Variants in F11 observed in about 807,000 individuals in gnomAD.
F11 encodes the protein coagualtion factor XI.
Under a neutral mutation model 76.5 loss-of-function variants are expected in F11, and 78 were observed. The observed-to-expected ratio is 1.02, with a 90% CI of 0.85 to 1.23. The LOEUF is 1.23. Among genes scored for constraint, F11 ranks in the 50% most tolerant of loss-of-function variants. The probability of loss-of-function intolerance (pLI) is 0.00; values close to 1 mark genes in which losing one functional copy is unlikely to be tolerated. For synonymous variants in F11, 278 were observed against 276.3 expected, an observed-to-expected ratio of 1.01 and a Z score of -0.06; for missense variants, 742 against 771.4, an observed-to-expected ratio of 0.96 and a Z score of 0.45.
Position 186,288,575 on chromosome 4 carries a change from G to A in F11, c.1839G>A (p.Glu613=), listed in dbSNP as rs5976. The change falls in exon 15 of 15, where the codon GAG becomes GAA. Residue 613 remains glutamate (E), a synonymous_variant. Coordinates refer to ENST00000403665, the MANE Select transcript of F11 (RefSeq NM_000128.4). The part of the protein sequence containing the change: ...ERPGVYTNVV[E]YVDWILEKTQ... ...CAGGTGTTTACACCAACGTGGTCGA[G>A]TACGTGGACTGGATTCTGGAGAAAA... is the stretch of plus-strand genomic sequence containing the variant. 0.049 allele frequency: 78,816 copies of A among 1,614,124 alleles called. 2,251 individuals carry two copies. The highest frequency in any genetic ancestry group is 0.11 in the Middle Eastern group (687 of 6,060).
chr4:186,282,386 G>T (rs889854085), intron 10 of F11: 4 of 985,212 alleles, frequency 4.1e-6, no homozygotes, highest in Non-Finnish European at 4.8e-6. Flanking sequence ...TTTTTACTGC[G>T]CTGTATTTGA....
At chr4:186,280,671 A>C (rs1395980385) in intron 10 of F11, 91 bp downstream of exon 10, 2 of 1,121,896 alleles carry the variant, frequency 1.8e-6, no homozygotes, top group Non-Finnish European at 2.7e-6. Flanking sequence ...TAGCCACAGA[A>C]GGGAGAACAT....
Position 186,289,013 on chromosome 4 carries a change from G to A in F11, c.*399G>A. On this transcript the variant is annotated 3_prime_UTR_variant, in exon 15 of 15. Coordinates refer to ENST00000403665, the MANE Select transcript of F11 (RefSeq NM_000128.4). The stretch of plus-strand genomic sequence containing the variant: ...GATGAAAGATGAAAACTGGAAGAAA[G>A]GAGAACAAAGACAGTCTTCACCATT... 3.7e-6 allele frequency: 1 copy of A among 267,244 alleles called. No individual in the cohort carries two copies. Among genetic ancestry groups the A allele is most frequent in the Non-Finnish European group, 7.3e-6 (1 of 136,314 alleles). 16.6% of individuals were successfully genotyped at this position (267,244 alleles called of 1,614,324 possible). A position where few individuals can be genotyped will look rare whatever the true frequency, so the allele number is the denominator to read the frequency against.
chr4:186,279,944 T>C, intron 7 of F11, 68 bp from the exon 8 acceptor site: 1 of 1,184,822 alleles, frequency 8.4e-7, no homozygotes. Flanking sequence ...TTACTTTCTC[T>C]AGGTGCTGTA....
At chr4:186,270,371 GT>G (rs1429423867) in intron 2 of F11, among the ~76,000 whole-genome samples, 3 of 152,118 alleles carry the variant, frequency 2.0e-5, no homozygotes, top group Non-Finnish European at 2.9e-5. Context: ...CGTGTGCAGA[GT>G]TTTTTTCCAA....
chr4:186,275,245 C>G, intron 5 of F11: 2 of 452,352 alleles, frequency 4.4e-6, no homozygotes, highest in Admixed American at 4.7e-5. Context: ...AATCCCAGCA[C>G]TTTGGGAGGC....
rs947010808 is a variant in F11 at position 186,289,180 on chromosome 4, G to C, written c.*566G>C. On this transcript the variant is annotated 3_prime_UTR_variant, in exon 15 of 15. Transcript: ENST00000403665. ...AATATATATTAAAAAAAATCAGTTCGAGTAGACACGAGCTAAGAGTGAATG... is the reference window on the plus strand; with the variant it reads ...AATATATATTAAAAAAAATCAGTTCCAGTAGACACGAGCTAAGAGTGAATG... Among the ~76,000 whole-genome samples, 1 of 152,070 alleles carries C rather than the reference G, an allele frequency of 6.6e-6. No homozygotes were observed. Among genetic ancestry groups the C allele is most frequent in the African/African-American group, 2.4e-5 (1 of 41,406 alleles).
At chr4:186,282,353 A>T in intron 10 of F11, 1 of 985,412 alleles carries the variant, frequency 1.0e-6, no homozygotes, top group Non-Finnish European at 1.2e-6. Context: ...GCAACTTTGG[A>T]GGGAGTGAAT....
rs34807019 is a variant in F11 at position 186,274,243 on chromosome 4, C to T, written c.453C>T (p.Tyr151=). The change falls in exon 5 of 15, where the codon TAC becomes TAT. Residue 151 remains tyrosine, a synonymous_variant. Transcript: ENST00000403665. ...TDDVHCHFFT[Y]ATRQFPSLEH... is the part of the protein sequence containing the mutation. ...ACGTCCACTGCCACTTTTTCACGTA[C>T]GCCACAAGGCAGTTTCCCAGCCTGG... is the stretch of plus-strand genomic sequence containing the variant. 733 of 1,614,186 alleles carry T rather than the reference C, an allele frequency of 4.5e-4. 2 individuals carry two copies. The African/African-American group carries it at 8.5e-3, about 19-fold the overall frequency.
Position 186,286,469 on chromosome 4 carries a change from C to G in F11, c.1535C>G (p.Thr512Ser). Residue 512 changes from threonine to serine, a missense_variant, in exon 13 of 15, where the codon ACT becomes AGT. Transcript: ENST00000403665. ...PSKGDRNVIY[T>S]DCWVTGWGYR... is the part of the protein sequence containing the mutation. ...AAAGGAGATAGAAATGTAATATACA[C>G]TGATTGCTGGGTGACTGGATGGGGG... 1 of 1,613,960 alleles carries G rather than the reference C, an allele frequency of 6.2e-7. No homozygotes were observed. The highest frequency in any genetic ancestry group is 1.1e-5 in the South Asian group (1 of 91,078).
chr4:186,283,773 G>C (rs147550368), intron 10 of F11, among the ~76,000 whole-genome samples: 102 of 152,324 alleles, frequency 6.7e-4, no homozygotes, highest in African/African-American at 2.3e-3. Flanking sequence ...AGGTGACGCT[G>C]TTGGTCTGGA....
At position 186,284,197 on chromosome 4, in the gene F11, A is replaced by T. The variant is rs1480033291; in HGVS notation, c.1241A>T (p.His414Leu). 2 of 1,614,092 alleles carry T rather than the reference A, an allele frequency of 1.2e-6. No homozygotes were observed. Among genetic ancestry groups the T allele is most frequent in the Non-Finnish European group, 1.7e-6 (2 of 1,180,048 alleles). Residue 414 changes from histidine (H) to leucine (L), a missense_variant, in exon 11 of 15, where the codon CAC becomes CTC. Physicochemically the swap from His to Leu is moderately conservative, Grantham distance 99 (BLOSUM62 -3). Transcript: ENST00000403665. ...TLHTTSPTQRHLCGGSIIGNQ... is the reference protein window; with the variant it reads ...TLHTTSPTQRLLCGGSIIGNQ... ...CACACAACCTCACCCACTCAGAGACACCTGTGTGGAGGCTCCATCATTGGA... is the reference window on the plus strand; with the variant it reads ...CACACAACCTCACCCACTCAGAGACTCCTGTGTGGAGGCTCCATCATTGGA...
intron 10 of F11, chr4:186,281,937 C>T: frequency 7.8e-7 from 1 of 1,283,338 alleles, no homozygotes; most frequent in Non-Finnish European, 1.0e-6. Context: ...CTTCCTAGAG[C>T]TTAGAGGCGC....
chr4:186,281,704 G>A (rs904144732), intron 10 of F11, among the ~76,000 whole-genome samples: 4 of 152,138 alleles, frequency 2.6e-5, no homozygotes, highest in African/African-American at 4.8e-5. Context: ...ATTGCCAAAT[G>A]TCCAATATTA....
intron 13 of F11, among the ~76,000 whole-genome samples, chr4:186,287,299 G>T (rs1741274696): frequency 6.6e-6 from 1 of 151,610 alleles, no homozygotes; most frequent in South Asian, 2.1e-4. Flanking sequence ...AATATATGTG[G>T]CCCAGCACCA....
rs543131176 is a variant in F11, at chr4:186,273,156, C to G, written c.304C>G (p.Gln102Glu). Residue 102 changes from glutamine (Q) to glutamate (E), a missense_variant, in exon 4 of 15, where the codon CAA (glutamine) becomes GAA (glutamate). Transcript: ENST00000403665. ...TAAISGYSFKQCSHQISACNK... is the reference protein window; with the variant it reads ...TAAISGYSFKECSHQISACNK... ...AGCGATTTCTGGGTATTCTTTCAAG[C>G]AATGCTCACACCAAATAAGCGGTAA... The G allele has an allele frequency of 6.2e-7, 1 of 1,613,392 alleles. No individual in the cohort carries two copies. Among genetic ancestry groups the G allele is most frequent in the Non-Finnish European group, 8.5e-7 (1 of 1,179,340 alleles).
At chr4:186,284,029 G>T in intron 10 of F11, 63 bp from the exon 11 acceptor site, 1 of 1,612,648 alleles carries the variant, frequency 6.2e-7, no homozygotes, top group South Asian at 1.1e-5. Flanking sequence ...GTTCCTGAAG[G>T]AGCATAATTA....
chr4:186,276,301 T>C lies in F11; in HGVS notation c.666T>C (p.Asp222=). 1 of 1,614,168 alleles carries C rather than the reference T, an allele frequency of 6.2e-7. No homozygotes were observed. Among genetic ancestry groups the C allele is most frequent in the South Asian group, 1.1e-5 (1 of 91,086 alleles). The part of the protein sequence containing the change: ...DSNIDSVMAP[D]AFVCGRICTH... ...ACATCGACAGTGTCATGGCTCCCGA[T>C]GCTTTTGTCTGTGGCCGAATCTGCA... The change falls in exon 7 of 15, where the codon GAT becomes GAC. Residue 222 remains aspartate (D), a synonymous_variant. Transcript: ENST00000403665.
intron 7 of F11, among the ~76,000 whole-genome samples, chr4:186,279,009 A>G (rs1192038411): frequency 6.6e-6 from 1 of 152,230 alleles, no homozygotes; most frequent in Non-Finnish European, 1.5e-5. Context: ...GGAATAACAC[A>G]TTTGATCTTT....
Sources: gnomAD v4.1 joint callset for allele counts (sites outside exome capture counted in the v4.1 genomes callset) on GRCh38, gnomAD v4.1.1 for gene constraint, MANE v1.5 for transcripts, NCBI Gene and HGNC (gene_info 2026-07-23, HGNC 2026-07-21) for gene names.